EGFR: variants seen among roughly 807,000 people sequenced by gnomAD.
The protein encoded by EGFR is avian erythroblastic leukemia viral (v-erb-b) oncogene homolog.
EGFR carries 58 observed loss-of-function variants against 143.0 expected under a neutral mutation model. The observed-to-expected ratio is 0.41, with a 90% CI of 0.33 to 0.50. The LOEUF is 0.50. Ranked by LOEUF, EGFR falls within the 20% of genes least tolerant of loss-of-function variation. The pLI, the probability that EGFR is intolerant of heterozygous loss-of-function variation, is 0.39. For missense variants in EGFR, 1,307 were observed against 1,579.0 expected (o/e 0.83, Z 2.92); for synonymous variants, 613 against 594.4 (o/e 1.03, Z -0.45).
intron 1 of EGFR, among the ~76,000 whole-genome samples, chr7:55,057,403 C>A (rs142051119): frequency 6.6e-6 from 1 of 152,270 alleles, no homozygotes; most frequent in Admixed American, 6.5e-5. Context: ...CAAAACCCAG[C>A]CCTTCAAAGA....
At chr7:55,155,323 T>A (rs1346807526) in intron 7 of EGFR, among the ~76,000 whole-genome samples, 1 of 152,150 alleles carries the variant, frequency 6.6e-6, no homozygotes, top group African/African-American at 2.4e-5. Context: ...ACGCCTGTAA[T>A]CACAGCCGCT....
At chr7:55,202,647 A>G in intron 27 of EGFR, 22 bp downstream of exon 27, 5 of 1,596,812 alleles carry the variant, frequency 3.1e-6, no homozygotes, top group Non-Finnish European at 4.3e-6. Context: ...GTCTGGAAAC[A>G]GTCCTGCTCC....
rs139937276 is a variant in EGFR, at chr7:55,195,559, T to C, written c.2701+2718T>C. 7.9e-3 allele frequency among the ~76,000 whole-genome samples: 1,204 copies of C among 152,284 alleles called. 18 individuals are homozygous for C. The highest frequency in any genetic ancestry group is 0.027 in the African/African-American group (1,137 of 41,562). On this transcript the variant is annotated intron_variant, in intron 22 of 27. Coordinates refer to ENST00000275493, the MANE Select transcript of EGFR (RefSeq NM_005228.5). ...TTAGGTTCAGGGGTACATGTGCAGG[T>C]TTGTTATATAGGTAAATTTGTGTCA...
At chr7:55,030,265 T>TA (rs1318482305) in intron 1 of EGFR, among the ~76,000 whole-genome samples, 2 of 152,228 alleles carry the variant, frequency 1.3e-5, no homozygotes, top group African/African-American at 4.8e-5. Flanking sequence ...AATCAAAGGC[T>TA]AAATAAAGTA....
intron 22 of EGFR, among the ~76,000 whole-genome samples, chr7:55,196,153 C>T (rs1006783845): frequency 1.3e-4 from 16 of 123,508 alleles, no homozygotes; most frequent in Non-Finnish European, 5.0e-5. Flanking sequence ...CCTTTTTCTC[C>T]ACAACCTCAC....
Position 55,173,138 on chromosome 7 carries a change from C to G in EGFR, c.2061+14C>G, listed in dbSNP as rs890597672. ...CAGGAGAGGGAGGTGAGTGCCAGTC[C>G]TGGGTGGGCTCAGGAGCCCTCGCAC... On this transcript the variant is annotated intron_variant, in intron 17 of 27. Transcript: ENST00000275493. The G allele has an allele frequency of 1.6e-5, 26 of 1,607,952 alleles. No homozygotes were observed. Among genetic ancestry groups the G allele is most frequent in the Non-Finnish European group, 2.1e-5 (25 of 1,179,818 alleles).
Position 55,209,228 on chromosome 7 carries a change from A to G in EGFR, c.*3611A>G, listed in dbSNP as rs1335065437. On this transcript the variant is annotated 3_prime_UTR_variant, in exon 28 of 28. Coordinates refer to ENST00000275493, the MANE Select transcript of EGFR (RefSeq NM_005228.5). ...TGAAACCCTTATTTCTAGGGTCTTC[A>G]GTTGTACAAGACTGTGGGTCTGTAC... is the stretch of plus-strand genomic sequence containing the variant. 2 of 152,308 alleles carry G rather than the reference A, an allele frequency of 1.3e-5. No homozygotes were observed. Among genetic ancestry groups the G allele is most frequent in the East Asian group, 3.9e-4 (2 of 5,172 alleles). The allele number at this position is 152,308 out of a possible 1,614,324, so 9.4% of individuals were successfully genotyped here.
intron 27 of EGFR, chr7:55,203,200 A>G: frequency 5.4e-6 from 1 of 185,622 alleles, no homozygotes; most frequent in Non-Finnish European, 1.0e-5. Context: ...ATGCACACAC[A>G]TATACACACA....
chr7:55,152,257 T>G, intron 5 of EGFR: 2 of 574,076 alleles, frequency 3.5e-6, no homozygotes, highest in South Asian at 1.5e-5. Flanking sequence ...AGCAGGTATT[T>G]TTGTTCTTTG....
intron 1 of EGFR, among the ~76,000 whole-genome samples, chr7:55,135,977 A>C (rs996212575): frequency 1.3e-5 from 2 of 152,198 alleles, no homozygotes; most frequent in African/African-American, 4.8e-5. Context: ...AAAAACACAA[A>C]AACTATGAAG....
chr7:55,194,425 A>C (rs1280363365), intron 22 of EGFR, among the ~76,000 whole-genome samples: 1 of 151,744 alleles, frequency 6.6e-6, no homozygotes, highest in Admixed American at 6.6e-5. Flanking sequence ...ACAGGGTTTC[A>C]CTATGTTGGC....
At chr7:55,152,361 A>T in intron 5 of EGFR, 185 bp from the exon 6 acceptor site, 2 of 769,038 alleles carry the variant, frequency 2.6e-6, no homozygotes, top group Non-Finnish European at 4.8e-6. Flanking sequence ...GTGATTAAAA[A>T]TAAATCAGGA....
intron 15 of EGFR, 36 bp from the exon 16 acceptor site, chr7:55,171,139 T>A (rs1786330123): frequency 3.1e-6 from 5 of 1,613,744 alleles, no homozygotes; most frequent in Non-Finnish European, 3.4e-6. Context: ...AGAAGTAGAA[T>A]GAGAAAAATG....
At chr7:55,193,920 T>TA (rs1274206633) in intron 22 of EGFR, among the ~76,000 whole-genome samples, 3 of 152,238 alleles carry the variant, frequency 2.0e-5, no homozygotes, top group Admixed American at 2.0e-4. Context: ...AGATTTATGA[T>TA]ACAAAGGCAG....
At chr7:55,067,258 T>C (rs907028883) in intron 1 of EGFR, among the ~76,000 whole-genome samples, 11 of 151,950 alleles carry the variant, frequency 7.2e-5, no homozygotes, top group African/African-American at 2.7e-4. Context: ...AGGAAAGTGC[T>C]GTCGTCTCCT....
chr7:55,024,123 A>C (rs986914590), intron 1 of EGFR, among the ~76,000 whole-genome samples: 6 of 152,232 alleles, frequency 3.9e-5, no homozygotes, highest in African/African-American at 1.4e-4. Flanking sequence ...CCAGTTGTCT[A>C]GAAAGTTCCC....
intron 1 of EGFR, among the ~76,000 whole-genome samples, chr7:55,099,535 G>A (rs1183075073): frequency 6.6e-6 from 1 of 152,314 alleles, no homozygotes; most frequent in Middle Eastern, 3.4e-3. Flanking sequence ...GAATTCGGGA[G>A]CTGGTTGGAA....
chr7:55,170,771 T>G lies in EGFR; in HGVS notation c.1881-404T>G, dbSNP rs10277413. On this transcript the variant is annotated intron_variant, in intron 15 of 27. Transcript: ENST00000275493. The stretch of plus-strand genomic sequence containing the variant: ...GAATTTGTCAGAAACCTGCAGGGAC[T>G]CCATGCTGCCAGCCTTCTCCGTAAT... 498,660 of 1,442,118 alleles carry G rather than the reference T, an allele frequency of 0.35. 89,286 individuals carry two copies. Among genetic ancestry groups the G allele is most frequent in the East Asian group, 0.6 (23,799 of 39,656 alleles). 89.3% of individuals were successfully genotyped at this position (1,442,118 alleles called of 1,614,324 possible).
rs527837254 is a variant in EGFR, at chr7:55,142,567, C to T, written c.240+130C>T. On this transcript the variant is annotated intron_variant, in intron 2 of 27. Coordinates refer to ENST00000275493, the MANE Select transcript of EGFR (RefSeq NM_005228.5). ...ATGACAAGTCTTACAGAGCTACAAA[C>T]GAGAGTTTTATGAGAAAGCCATTTT... The T allele has an allele frequency of 5.1e-5, 62 of 1,204,190 alleles. No homozygotes were observed. The African/African-American group carries it at 5.3e-4, about 10-fold the overall frequency. 74.6% of individuals were successfully genotyped at this position (1,204,190 alleles called of 1,614,324 possible). A position where few individuals can be genotyped will look rare whatever the true frequency, so the allele number is the denominator to read the frequency against.
Sources: allele counts gnomAD v4.1 joint callset (sites outside exome capture counted in the v4.1 genomes callset), GRCh38; gene constraint gnomAD v4.1.1; transcripts MANE v1.5; gene names NCBI Gene and HGNC (gene_info 2026-07-23, HGNC 2026-07-21).